Variants in IFT74 observed in about 807,000 individuals in gnomAD.
IFT74 encodes intraflagellar transport protein 74 homolog.
IFT74 carries 92 observed loss-of-function variants against 96.7 expected under a neutral mutation model. The ratio of observed to expected loss-of-function variants is 0.95; its 90% CI spans 0.80 to 1.13. The LOEUF is 1.13. Ranked by LOEUF, IFT74 falls within the 50% of genes most tolerant of loss-of-function variation. The pLI is 0.00. For missense variants in IFT74, 811 were observed against 698.2 expected, an observed-to-expected ratio of 1.16 and a Z score of -1.82; for synonymous variants, 223 against 213.2, an observed-to-expected ratio of 1.05 and a Z score of -0.40.
chr9:27,040,279 A>C (rs1387029983), intron 13 of IFT74, among the ~76,000 whole-genome samples: 2 of 152,136 alleles, frequency 1.3e-5, no homozygotes, highest in Non-Finnish European at 2.9e-5. Context: ...GGCCAGGTGC[A>C]GTGGCTCACG....
chr9:27,051,633 G>T (rs573917203), intron 16 of IFT74, among the ~76,000 whole-genome samples: 1 of 152,240 alleles, frequency 6.6e-6, no homozygotes, highest in South Asian at 2.1e-4. Context: ...GTTTCTATGA[G>T]TCTGACTACT....
chr9:26,954,959 C>G (rs1208583337), upstream of IFT74, among the ~76,000 whole-genome samples: 1 of 152,142 alleles, frequency 6.6e-6, no homozygotes, highest in Non-Finnish European at 1.5e-5. Context: ...TTCCTATTCT[C>G]TATTCCTTTT....
upstream of IFT74, among the ~76,000 whole-genome samples, chr9:26,952,251 C>G (rs532763648): frequency 1.3e-5 from 2 of 150,906 alleles, no homozygotes; most frequent in South Asian, 4.2e-4. Context: ...ATCGTCCCCT[C>G]ATTGAAAGTT....
intron 8 of IFT74, among the ~76,000 whole-genome samples, chr9:26,992,721 TTACGAAGGTTACTTTTCTA>T (rs1827943299): frequency 6.6e-6 from 1 of 151,970 alleles, no homozygotes; most frequent in African/African-American, 2.4e-5. Context: ...AAAAGTATTG[TTACGAAGGTTACTTTTCTA>T]TACAGCAGTA....
rs1438147215 is a variant in IFT74, at chr9:26,978,122, A to C, written c.121-6A>C. 6.4e-7 allele frequency: 1 copy of C among 1,569,258 alleles called. No homozygotes were observed. Among genetic ancestry groups the C allele is most frequent in the Non-Finnish European group, 8.6e-7 (1 of 1,165,696 alleles). On this transcript the variant is annotated splice_region_variant and splice_polypyrimidine_tract_variant and intron_variant, in intron 2 of 19. Transcript: ENST00000380062. ...TACTAAAAATGAAATCTTGTTTGTC[A>C]TTTAGATGCCACCTGGGACAGCAAG...
intron 16 of IFT74, among the ~76,000 whole-genome samples, chr9:27,049,768 A>G (rs1377499739): frequency 1.3e-5 from 2 of 152,156 alleles, no homozygotes; most frequent in Admixed American, 1.3e-4. Flanking sequence ...CTAGTCTTGG[A>G]TAGTTAAGAA....
chr9:26,954,628 C>T (rs1826024311), upstream of IFT74, among the ~76,000 whole-genome samples: 1 of 150,318 alleles, frequency 6.7e-6, no homozygotes, highest in African/African-American at 2.5e-5. Context: ...CAGAGAAGAC[C>T]TCTCTAATAA....
At chr9:27,005,352 T>TCCCCCCCCCCCCC (rs1443234170) in intron 8 of IFT74, among the ~76,000 whole-genome samples, 1 of 18,950 alleles carries the variant, frequency 5.3e-5, no homozygotes, top group African/African-American at 1.7e-4. Flanking sequence ...TGAAACCATT[T>TCCCCCCCCCCCCC]CCCCCCCCGC....
At chr9:27,040,714 T>C (rs888869099) in intron 13 of IFT74, among the ~76,000 whole-genome samples, 1 of 152,122 alleles carries the variant, frequency 6.6e-6, no homozygotes, top group Admixed American at 6.6e-5. Context: ...CCAAAATCAG[T>C]AGGCTTTGCT....
rs562218113 is a variant in IFT74, at chr9:27,029,728, A to G, written c.1054+624A>G. On this transcript the variant is annotated intron_variant, in intron 13 of 19. Transcript: ENST00000380062. ...GCACCACTGCACTCCATCCTGGGCC[A>G]CAAGAGTGAAACTCGGTCTCAATAA... is the stretch of plus-strand genomic sequence containing the variant. 1.1e-4 allele frequency among the ~76,000 whole-genome samples: 16 copies of G among 152,354 alleles called. No individual in the cohort carries two copies. In the East Asian group the frequency reaches 2.7e-3, roughly 26 times the overall value.
At chr9:27,051,862 C>T (rs1335129579) in intron 16 of IFT74, among the ~76,000 whole-genome samples, 1 of 152,158 alleles carries the variant, frequency 6.6e-6, no homozygotes, top group African/African-American at 2.4e-5. Context: ...AATAATGCTG[C>T]AGTGAACATG....
chr9:26,992,035 C>CA (rs113482452), intron 8 of IFT74, among the ~76,000 whole-genome samples: 14,311 of 131,202 alleles, frequency 0.11, 1,664 homozygotes, highest in East Asian at 0.66. Flanking sequence ...GACTCCGTCT[C>CA]AAAAAAAAAA....
intron 13 of IFT74, chr9:27,036,462 A>G (rs1819192481): frequency 1.2e-6 from 2 of 1,613,724 alleles, no homozygotes; most frequent in South Asian, 1.1e-5. Context: ...CCTACCAACT[A>G]TGGATGGAAA....
At chr9:27,010,162 T>C (rs1828986785) in intron 9 of IFT74, among the ~76,000 whole-genome samples, 1 of 151,482 alleles carries the variant, frequency 6.6e-6, no homozygotes, top group Admixed American at 6.6e-5. Context: ...TGATTTTTTG[T>C]ATTTTTTTAG....
intron 13 of IFT74, among the ~76,000 whole-genome samples, chr9:27,043,072 A>G (rs1400805976): frequency 1.3e-5 from 2 of 152,198 alleles, no homozygotes; most frequent in Non-Finnish European, 2.9e-5. Context: ...ATGGTTGATC[A>G]TTTGAACTGA....
intron 1 of IFT74, among the ~76,000 whole-genome samples, chr9:26,957,363 G>A (rs1019881609): frequency 6.6e-6 from 1 of 152,118 alleles, no homozygotes; most frequent in African/African-American, 2.4e-5. Flanking sequence ...GATGTTTATT[G>A]TACTCGTTTT....
chr9:27,010,472 C>A (rs192157022), intron 9 of IFT74, among the ~76,000 whole-genome samples: 4 of 150,580 alleles, frequency 2.7e-5, no homozygotes, highest in Non-Finnish European at 5.9e-5. Context: ...CATTCTACTA[C>A]CCCCTTTTTT....
intron 8 of IFT74, among the ~76,000 whole-genome samples, chr9:27,005,353 C>CCCA (rs1828715057): frequency 9.8e-5 from 1 of 10,230 alleles, no homozygotes; most frequent in Non-Finnish European, 2.0e-4. Flanking sequence ...GAAACCATTT[C>CCCA]CCCCCCCGCC....
At chr9:27,006,997 C>T (rs1587340093) in intron 8 of IFT74, among the ~76,000 whole-genome samples, 2 of 151,876 alleles carry the variant, frequency 1.3e-5, no homozygotes, top group South Asian at 2.1e-4. Flanking sequence ...CCATCACGCC[C>T]AGCTAATTTT....
Sources: gnomAD v4.1 joint callset for allele counts (sites outside exome capture counted in the v4.1 genomes callset) on GRCh38, gnomAD v4.1.1 for gene constraint, MANE v1.5 for transcripts, NCBI Gene and HGNC (gene_info 2026-07-23, HGNC 2026-07-21) for gene names.